Variants in TPCN2 observed in about 807,000 individuals in gnomAD.
TPCN2 encodes the protein two pore channel protein 2.
Under a neutral mutation model 111.4 loss-of-function variants are expected in TPCN2, and 92 were observed. The ratio of observed to expected loss-of-function variants is 0.83; its 90% CI spans 0.70 to 0.98. The LOEUF (loss-of-function observed/expected upper bound fraction) is 0.98, where lower values mean the gene tolerates loss of function less well. Among genes scored for constraint, TPCN2 ranks in the 50% least tolerant of loss-of-function variants. TPCN2 has a pLI of 0.00. For synonymous variants in TPCN2, 405 were observed against 414.5 expected, an observed-to-expected ratio of 0.98 and a Z score of 0.28; for missense variants, 995 against 980.1, an observed-to-expected ratio of 1.02 and a Z score of -0.20.
In TPCN2 at chr11:69,078,959, T is replaced by TGCG; in HGVS notation, c.1479_1481dup (p.Arg494dup). 6.2e-7 allele frequency: 1 copy of TGCG among 1,614,066 alleles called. No individual in the cohort carries two copies. Among genetic ancestry groups the TGCG allele is most frequent in the Non-Finnish European group, 8.5e-7 (1 of 1,179,994 alleles). The stretch of plus-strand genomic sequence containing the variant: ...CTGCTCAAGGTCTTTGCCCTGGGCC[T>TGCG]GCGAGGGTACCTGTCCTACCCCAGC... On this transcript the variant is annotated inframe_insertion, in exon 16 of 25. Transcript: ENST00000294309.
chr11:69,056,037 G>T (rs927500991), intron 4 of TPCN2, among the ~76,000 whole-genome samples: 12 of 152,252 alleles, frequency 7.9e-5, no homozygotes, highest in African/African-American at 2.7e-4. Context: ...AAGCTTCTGA[G>T]CCTCGTCAGA....
rs529312641 is a variant in TPCN2 at position 69,083,445 on chromosome 11, C to T, written c.1690-500C>T. ...ATGAGGAGGAGCGGCTCTTTGGAGC[C>T]GGGGCCTCCCTGCTGGTTCTCAGAG... On this transcript the variant is annotated intron_variant, in intron 18 of 24. Coordinates refer to ENST00000294309, the MANE Select transcript of TPCN2 (RefSeq NM_139075.4). Among the ~76,000 whole-genome samples the T allele has an allele frequency of 4.5e-4, 68 of 152,296 alleles. 2 individuals carry two copies. The highest frequency in any genetic ancestry group is 3.6e-3 in the Admixed American group (55 of 15,298).
Position 69,088,330 on chromosome 11 carries a change from C to A in TPCN2, c.*377C>A, listed in dbSNP as rs373363771. Reference sequence around the variant, plus strand: ...TGGGGACCACAGGCCTGACCAGGGCCTGCACAGGTTAACCGTCAGACTTCC... The same window carrying A: ...TGGGGACCACAGGCCTGACCAGGGCATGCACAGGTTAACCGTCAGACTTCC... On this transcript the variant is annotated 3_prime_UTR_variant, in exon 25 of 25. Transcript: ENST00000294309. 7 of 213,494 alleles carry A rather than the reference C, an allele frequency of 3.3e-5. No homozygotes were observed. In the Admixed American group the frequency reaches 3.7e-4, roughly 11 times the overall value. The allele number at this position is 213,494 out of a possible 1,614,324, so 13.2% of individuals were successfully genotyped here.
At chr11:69,054,155 T>C in intron 2 of TPCN2, 58 bp downstream of exon 2, 1 of 1,486,526 alleles carries the variant, frequency 6.7e-7, no homozygotes, top group Non-Finnish European at 9.3e-7. Flanking sequence ...TCCGATTGGC[T>C]CGCCCCTCCA....
intron 24 of TPCN2, 79 bp downstream of exon 24, chr11:69,087,285 G>A (rs1255088183): frequency 1.9e-5 from 24 of 1,276,302 alleles, no homozygotes; most frequent in Admixed American, 3.8e-5. Flanking sequence ...GGGTTGAGGC[G>A]GCGGGCAGGC....
chr11:69,069,702 C>A (rs1260374005), intron 8 of TPCN2, among the ~76,000 whole-genome samples: 6 of 61,288 alleles, frequency 9.8e-5, no homozygotes, highest in Non-Finnish European at 1.5e-4. Flanking sequence ...AGGAAGTGAC[C>A]GCACTGGGAG....
At chr11:69,075,418 A>G (rs2034690) in intron 13 of TPCN2, among the ~76,000 whole-genome samples, 4,002 of 152,328 alleles carry the variant, frequency 0.026, 390 homozygotes, top group East Asian at 0.22. Flanking sequence ...TGGAATACCT[A>G]GCACCTAGGA....
chr11:69,051,080 T>C (rs1053506688), intron 1 of TPCN2, among the ~76,000 whole-genome samples: 4 of 152,226 alleles, frequency 2.6e-5, no homozygotes, highest in Admixed American at 6.5e-5. Flanking sequence ...TGTGCCAGGC[T>C]TTGAAATGAA....
intron 18 of TPCN2, among the ~76,000 whole-genome samples, chr11:69,082,858 C>T (rs7118617): frequency 0.039 from 2,037 of 51,636 alleles, 515 homozygotes; most frequent in African/African-American, 0.097. Flanking sequence ...CATGTGAACT[C>T]GTGCCCGGAT....
chr11:69,071,815 C>G (rs1018715155), intron 10 of TPCN2, 108 bp from the exon 11 acceptor site: 5 of 1,032,650 alleles, frequency 4.8e-6, no homozygotes, highest in African/African-American at 4.8e-5. Context: ...GGCCCCCCCC[C>G]AAGGCTGCCC....
intron 13 of TPCN2, among the ~76,000 whole-genome samples, chr11:69,077,851 G>A (rs1054617705): frequency 6.6e-6 from 1 of 152,210 alleles, no homozygotes; most frequent in South Asian, 2.1e-4. Context: ...GTTGAATTTT[G>A]TTGCATTGAA....
At chr11:69,057,461 G>C in intron 4 of TPCN2, 117 bp from the exon 5 acceptor site, 2 of 959,888 alleles carry the variant, frequency 2.1e-6, no homozygotes, top group Admixed American at 1.8e-5. Context: ...GGACCACACT[G>C]TTGTGGAGGC....
Position 69,085,194 on chromosome 11 carries a change from G to A in TPCN2, c.1762-16G>A. 1 of 1,613,596 alleles carries A rather than the reference G, an allele frequency of 6.2e-7. No individual in the cohort carries two copies. ...CATGGGTGGGGCTGATCAGTCCCCGGCTCCTGGCCCGCCAGGTGGTCTACT... is the reference window on the plus strand; with the variant it reads ...CATGGGTGGGGCTGATCAGTCCCCGACTCCTGGCCCGCCAGGTGGTCTACT... On this transcript the variant is annotated splice_polypyrimidine_tract_variant and intron_variant, in intron 19 of 24. Coordinates refer to ENST00000294309, the MANE Select transcript of TPCN2 (RefSeq NM_139075.4).
chr11:69,087,512 G>A (rs947739937), intron 24 of TPCN2, among the ~76,000 whole-genome samples: 7 of 152,138 alleles, frequency 4.6e-5, no homozygotes, highest in African/African-American at 9.7e-5. Flanking sequence ...TGAGGAAAAC[G>A]CACCCATCTC....
In TPCN2 at chr11:69,085,915, G is replaced by A. The variant is rs1330928188; in HGVS notation, c.1988G>A (p.Arg663Gln). 4 of 1,614,004 alleles carry A rather than the reference G, an allele frequency of 2.5e-6. No homozygotes were observed. In the East Asian group the frequency reaches 6.7e-5, roughly 27 times the overall value. ...NNWQVFLDAY[R>Q]RYSGPWSKIY... ...TGGCAGGTGTTTCTGGATGCATATCGGCGCTACTCAGGCCCGTGAGTCCTC... is the reference window on the plus strand; with the variant it reads ...TGGCAGGTGTTTCTGGATGCATATCAGCGCTACTCAGGCCCGTGAGTCCTC... The change falls in exon 22 of 25, where the codon CGG (arginine) becomes CAG (glutamine). Residue 663 changes from arginine to glutamine, a missense_variant. Transcript: ENST00000294309.
At chr11:69,065,804 G>A (rs1855248873) in intron 7 of TPCN2, among the ~76,000 whole-genome samples, 1 of 152,204 alleles carries the variant, frequency 6.6e-6, no homozygotes, top group South Asian at 2.1e-4. Flanking sequence ...TGATGGTGCT[G>A]TCCCATTTTA....
Position 69,087,166 on chromosome 11 carries a change from C to G in TPCN2, c.2140C>G (p.Pro714Ala), listed in dbSNP as rs138169506. 1.2e-6 allele frequency: 2 copies of G among 1,613,830 alleles called. No individual in the cohort carries two copies. The highest frequency in any genetic ancestry group is 2.7e-5 in the African/African-American group (2 of 74,886). The change falls in exon 24 of 25, where the codon CCA becomes GCA. Residue 714 changes from proline (P) to alanine (A), a missense_variant. By Grantham distance (27) the Pro-to-Ala change is conservative. Coordinates refer to ENST00000294309, the MANE Select transcript of TPCN2 (RefSeq NM_139075.4). ...CCACCTGCAGCCCCTTGCTGGGACC[C>G]CAGAGGCCACCTACCAGATGACTGT... ...RSHLQPLAGT[P>A]EATYQMTVEL...
rs1460369802 is a variant in TPCN2 at position 69,078,784 on chromosome 11, C to T, written c.1401C>T (p.Phe467=). The change falls in exon 15 of 25, where the codon TTC becomes TTT. Residue 467 remains phenylalanine (F), a synonymous_variant. Transcript: ENST00000294309. The part of the protein sequence containing the change: ...ADVLPAERDD[F]ILGILNCVFI... Reference sequence around the variant, plus strand: ...TGCTGCCTGCTGAGCGTGATGACTTCATCCTGGGGGTAAGTTCTGAGCTGT... The same window carrying T: ...TGCTGCCTGCTGAGCGTGATGACTTTATCCTGGGGGTAAGTTCTGAGCTGT... 4 of 1,613,980 alleles carry T rather than the reference C, an allele frequency of 2.5e-6. No individual in the cohort carries two copies. The highest frequency in any genetic ancestry group is 2.2e-5 in the East Asian group (1 of 44,902).
At chr11:69,079,243 G>C (rs912511767) in intron 16 of TPCN2, 3 of 590,128 alleles carry the variant, frequency 5.1e-6, no homozygotes, top group Admixed American at 3.5e-5. Flanking sequence ...CGAGTGTCAT[G>C]GGGGGCAGGC....
Sources: gnomAD v4.1 joint callset for allele counts (sites outside exome capture counted in the v4.1 genomes callset) on GRCh38, gnomAD v4.1.1 for gene constraint, MANE v1.5 for transcripts, NCBI Gene and HGNC (gene_info 2026-07-23, HGNC 2026-07-21) for gene names.